Variants in GRHL2 observed in about 807,000 individuals in gnomAD.
GRHL2 encodes the protein grainyhead like transcription factor 2.
Under a neutral mutation model 83.8 loss-of-function variants are expected in GRHL2, and 21 were observed. The ratio of observed to expected loss-of-function variants is 0.25; its 90% CI spans 0.18 to 0.36. GRHL2 has a LOEUF of 0.36. Among genes scored for constraint, GRHL2 ranks in the 10% least tolerant of loss-of-function variants. The pLI is 1.00. For missense variants in GRHL2, 623 were observed against 781.8 expected, an observed-to-expected ratio of 0.80 and a Z score of 2.42; for synonymous variants, 280 against 278.9, an observed-to-expected ratio of 1.00 and a Z score of -0.04.
intron 4 of GRHL2, among the ~76,000 whole-genome samples, chr8:101,569,057 G>C (rs1811770898): frequency 6.6e-6 from 1 of 152,152 alleles, no homozygotes; most frequent in South Asian, 2.1e-4. Flanking sequence ...TAAGTTTATT[G>C]CACAGAAATG....
chr8:101,676,980 A>G, the GRHL2 span, among the ~76,000 whole-genome samples: 5 of 151,872 alleles, frequency 3.3e-5, no homozygotes, highest in African/African-American at 9.7e-5. Context: ...CAAACACCAC[A>G]TATTCTCACT....
intron 1 of GRHL2, among the ~76,000 whole-genome samples, chr8:101,498,858 G>A (rs919860405): frequency 6.6e-6 from 1 of 152,038 alleles, no homozygotes. Flanking sequence ...GGCGGATCAC[G>A]AGGTCAGGAG....
chr8:101,538,003 G>C (rs1400648667), intron 1 of GRHL2, among the ~76,000 whole-genome samples: 1 of 152,112 alleles, frequency 6.6e-6, no homozygotes, highest in Non-Finnish European at 1.5e-5. Context: ...TGAGGGAGCT[G>C]CCCTGTTACA....
At chr8:101,589,546 A>C (rs1812233196) in intron 7 of GRHL2, among the ~76,000 whole-genome samples, 1 of 152,230 alleles carries the variant, frequency 6.6e-6, no homozygotes, top group Admixed American at 6.5e-5. Flanking sequence ...AATAGGTTAC[A>C]ATGTCAAATG....
At chr8:101,626,401 C>G (rs1586154614) in intron 9 of GRHL2, among the ~76,000 whole-genome samples, 1 of 152,066 alleles carries the variant, frequency 6.6e-6, no homozygotes, top group Non-Finnish European at 1.5e-5. Context: ...AATTCAGGAT[C>G]TGTTTATATA....
chr8:101,498,057 G>A (rs1345885481), intron 1 of GRHL2, among the ~76,000 whole-genome samples: 2 of 152,274 alleles, frequency 1.3e-5, no homozygotes, highest in East Asian at 3.9e-4. Flanking sequence ...TCTAGCTAGG[G>A]TTTCTGGCTG....
chr8:101,678,642 C>T, the GRHL2 span, among the ~76,000 whole-genome samples: 1 of 149,886 alleles, frequency 6.7e-6, no homozygotes, highest in African/African-American at 2.4e-5. Context: ...CACAGACAAA[C>T]AAAAAGACAG....
At chr8:101,648,595 A>G (rs1477024369) in intron 13 of GRHL2, among the ~76,000 whole-genome samples, 1 of 152,072 alleles carries the variant, frequency 6.6e-6, no homozygotes, top group Non-Finnish European at 1.5e-5. Context: ...GAGAGTTTAA[A>G]TGAACAAGGC....
intron 1 of GRHL2, among the ~76,000 whole-genome samples, chr8:101,517,195 C>T (rs998707145): frequency 6.6e-6 from 1 of 152,206 alleles, no homozygotes; most frequent in Non-Finnish European, 1.5e-5. Flanking sequence ...ATGTCAATAA[C>T]TCACAGTGGA....
At chr8:101,494,055 C>T (rs1272553932) in intron 1 of GRHL2, among the ~76,000 whole-genome samples, 2 of 152,162 alleles carry the variant, frequency 1.3e-5, no homozygotes, top group African/African-American at 4.8e-5. Flanking sequence ...TGGAAGTGCG[C>T]GGGGCCGCCC....
Position 101,641,383 on chromosome 8 carries a change from A to G in GRHL2, c.1518-2748A>G, listed in dbSNP as rs114291207. On this transcript the variant is annotated intron_variant, in intron 12 of 15. Transcript: ENST00000646743. The stretch of plus-strand genomic sequence containing the variant: ...ACCGCATACATAGGCCACAAGCAGA[A>G]TTGAGAAATAGGCAAACTACATCTC... 9.1e-3 allele frequency among the ~76,000 whole-genome samples: 1,385 copies of G among 152,230 alleles called. 19 individuals are homozygous for G. Among genetic ancestry groups the G allele is most frequent in the East Asian group, 0.059 (305 of 5,162 alleles).
chr8:101,503,684 G>A (rs532847059), intron 1 of GRHL2, among the ~76,000 whole-genome samples: 1 of 152,208 alleles, frequency 6.6e-6, no homozygotes, highest in African/African-American at 2.4e-5. Flanking sequence ...TAAAAGCCTG[G>A]CTATCAAGGG....
rs1047720493 is a variant in GRHL2, at chr8:101,571,895, A to G, written c.734+1501A>G. ...TGCTGTAAATCCAAAGCACCATGTC[A>G]GCAGCTGCCAGGCCAGTGGGAAGAG... On this transcript the variant is annotated intron_variant, in intron 5 of 15. Transcript: ENST00000646743. 2.6e-5 allele frequency among the ~76,000 whole-genome samples: 4 copies of G among 152,188 alleles called. 1 individual carries two copies. Among genetic ancestry groups the G allele is most frequent in the African/African-American group, 9.7e-5 (4 of 41,444 alleles).
chr8:101,596,675 T>C (rs1157923875), intron 7 of GRHL2, among the ~76,000 whole-genome samples: 1 of 152,224 alleles, frequency 6.6e-6, no homozygotes, highest in Non-Finnish European at 1.5e-5. Context: ...GTTACAGTAT[T>C]GTATAAAATA....
intron 4 of GRHL2, among the ~76,000 whole-genome samples, chr8:101,565,400 GGT>G (rs1811696237): frequency 6.6e-6 from 1 of 152,088 alleles, no homozygotes; most frequent in South Asian, 2.1e-4. Context: ...AATAGTTTCT[GGT>G]TTAGGAACAA....
intron 7 of GRHL2, among the ~76,000 whole-genome samples, chr8:101,590,405 C>T (rs1203077171): frequency 6.6e-6 from 1 of 152,178 alleles, no homozygotes; most frequent in Non-Finnish European, 1.5e-5. Context: ...ATGACCCTCT[C>T]CTGTTTCCTG....
chr8:101,528,716 C>T (rs1175285289), intron 1 of GRHL2: 1 of 255,686 alleles, frequency 3.9e-6, no homozygotes, highest in Non-Finnish European at 7.9e-6. Context: ...TCTGTATCCT[C>T]TGTGTTCCTT....
At chr8:101,618,996 G>C (rs1048740157) in intron 8 of GRHL2, among the ~76,000 whole-genome samples, 13 of 152,180 alleles carry the variant, frequency 8.5e-5, no homozygotes, top group African/African-American at 3.1e-4. Context: ...GCTCACGCCT[G>C]TCATCCCAGC....
At chr8:101,528,946 CT>C in intron 1 of GRHL2, 1 of 297,640 alleles carries the variant, frequency 3.4e-6, no homozygotes. Context: ...AGTTTTCTTA[CT>C]TTACAAGCTC....
Sources: gnomAD v4.1 joint callset for allele counts (sites outside exome capture counted in the v4.1 genomes callset) on GRCh38, gnomAD v4.1.1 for gene constraint, MANE v1.5 for transcripts, NCBI Gene and HGNC (gene_info 2026-07-23, HGNC 2026-07-21) for gene names.